The following HERC2 variants were observed in gnomAD, a reference collection of about 807,000 sequenced individuals.
HERC2 encodes HECT and RLD domain containing E3 ubiquitin protein ligase 2, also known as E3 ubiquitin-protein ligase HERC2.
A neutral mutation model predicts 537.7 loss-of-function variants in HERC2; 102 were observed. The observed-to-expected ratio is 0.19, with a 90% confidence interval of 0.16 to 0.22. The LOEUF (loss-of-function observed/expected upper bound fraction) is 0.22, where lower values mean the gene tolerates loss of function less well. HERC2 is among the 10% of genes least tolerant of loss of function. The probability of loss-of-function intolerance (pLI) is 1.00; values close to 1 mark genes in which losing one functional copy is unlikely to be tolerated. For missense variants in HERC2, 4,236 were observed against 6,198.2 expected, an observed-to-expected ratio of 0.68 and a Z score of 10.63; for synonymous variants, 2,224 against 2,466.2, an observed-to-expected ratio of 0.90 and a Z score of 2.91.
At chr15:28,318,335 G>C (rs1466265934) in intron 2 of HERC2, among the ~76,000 whole-genome samples, 2 of 152,168 alleles carry the variant, frequency 1.3e-5, no homozygotes, top group East Asian at 1.9e-4. Context: ...AAGCAGAAAA[G>C]TGTTGAACAG....
At chr15:28,253,638 C>G (rs1275648169) in intron 20 of HERC2, among the ~76,000 whole-genome samples, 1 of 152,204 alleles carries the variant, frequency 6.6e-6, no homozygotes, top group Non-Finnish European at 1.5e-5. Context: ...ATTTCACTAT[C>G]TTAATATGAA....
chr15:28,128,338 C>A (rs1297964246), intron 83 of HERC2, among the ~76,000 whole-genome samples: 1 of 152,212 alleles, frequency 6.6e-6, no homozygotes, highest in Non-Finnish European at 1.5e-5. Flanking sequence ...GGGAAACACA[C>A]TGAAAAGCTC....
chr15:28,275,977 C>G (rs1028403666), intron 5 of HERC2, among the ~76,000 whole-genome samples: 2 of 151,400 alleles, frequency 1.3e-5, no homozygotes, highest in Non-Finnish European at 2.9e-5. Flanking sequence ...ACAGGTGATA[C>G]AGAGTTCAAG....
intron 44 of HERC2, among the ~76,000 whole-genome samples, chr15:28,207,906 G>A (rs1898659835): frequency 6.6e-6 from 1 of 152,004 alleles, no homozygotes; most frequent in South Asian, 2.1e-4. Flanking sequence ...GTGTGTCTGT[G>A]TTCCCATAAA....
chr15:28,279,070 C>A (rs2075955319), intron 5 of HERC2, among the ~76,000 whole-genome samples: 1 of 152,220 alleles, frequency 6.6e-6, no homozygotes, highest in Admixed American at 6.5e-5. Flanking sequence ...CCGCTCACCG[C>A]AACCTCCACC....
At chr15:28,204,348 A>G (rs1898179988) in intron 45 of HERC2, among the ~76,000 whole-genome samples, 1 of 152,200 alleles carries the variant, frequency 6.6e-6, no homozygotes, top group South Asian at 2.1e-4. Flanking sequence ...TTGGCCAGGC[A>G]CGGTGGCTCA....
chr15:28,228,779 C>T (rs192567408), intron 34 of HERC2, among the ~76,000 whole-genome samples: 126 of 152,362 alleles, frequency 8.3e-4, no homozygotes, highest in African/African-American at 2.7e-3. Flanking sequence ...CATCTGTCTA[C>T]AGGACTTAGC....
At chr15:28,162,372 C>G (rs1019548795) in intron 69 of HERC2, among the ~76,000 whole-genome samples, 2 of 151,948 alleles carry the variant, frequency 1.3e-5, no homozygotes, top group Non-Finnish European at 2.9e-5. Flanking sequence ...AAAACAATGT[C>G]ACATAAGCAA....
At chr15:28,245,189 G>C (rs962525520) in intron 23 of HERC2, among the ~76,000 whole-genome samples, 1 of 152,078 alleles carries the variant, frequency 6.6e-6, no homozygotes, top group African/African-American at 2.4e-5. Context: ...GAGGCACCAG[G>C]ACTTTGTAAA....
intron 35 of HERC2, among the ~76,000 whole-genome samples, chr15:28,224,136 C>CACACACACACAG (rs1263726694): frequency 7.9e-6 from 1 of 127,160 alleles, no homozygotes; most frequent in Non-Finnish European, 1.5e-5. Context: ...AAAAATTATA[C>CACACACACACAG]ACACACACAC....
intron 4 of HERC2, among the ~76,000 whole-genome samples, chr15:28,287,047 G>A (rs778971861): frequency 2.1e-4 from 32 of 152,210 alleles, no homozygotes; most frequent in Admixed American, 1.7e-3. Flanking sequence ...ATGTGCGTGC[G>A]CGCTGTAAAA....
chr15:28,208,736 C>G (rs1464611818), intron 44 of HERC2, among the ~76,000 whole-genome samples: 2 of 152,224 alleles, frequency 1.3e-5, no homozygotes, highest in Admixed American at 1.3e-4. Context: ...CCACCACCAG[C>G]AAAGTGCTTG....
At position 28,265,950 on chromosome 15, in the gene HERC2, G is replaced by A. The variant is rs1296375880; in HGVS notation, c.1623C>T (p.Ile541=). The A allele has an allele frequency of 2.5e-6, 4 of 1,614,068 alleles. No individual in the cohort carries two copies. The highest frequency in any genetic ancestry group is 2.5e-6 in the Non-Finnish European group (3 of 1,180,042). Residue 541 remains isoleucine (I), a synonymous_variant, in exon 13 of 93, where the codon ATC becomes ATT. Coordinates refer to ENST00000261609, the MANE Select transcript of HERC2 (RefSeq NM_004667.6). This position sits in a 1 kb window ranked among gnomAD's most constrained non-coding sequence, Gnocchi z 4.0. The part of the protein sequence containing the change: ...DTVPLEEPKV[I]SAFSGKQAGK... ...CGGCCTGCTTTCCAGAGAAGGCGGA[G>A]ATCACCTTAGGCTCCTCCAAAGGCC...
At chr15:28,124,424 A>T (rs1889254870) in intron 84 of HERC2, among the ~76,000 whole-genome samples, 190 bp from the exon 85 acceptor site, 1 of 152,260 alleles carries the variant, frequency 6.6e-6, no homozygotes, top group South Asian at 2.1e-4. Flanking sequence ...TGTAAAAAAA[A>T]TTAGTCTATA....
In HERC2 at chr15:28,280,091, A is replaced by C; in HGVS notation, c.519T>G (p.Ser173=). The change falls in exon 5 of 93, where the codon TCT becomes TCG. Residue 173 remains serine (S), a synonymous_variant. Coordinates refer to ENST00000261609, the MANE Select transcript of HERC2 (RefSeq NM_004667.6). ...VKVKWKSSGI[S]LPPVDKKSSR... is the part of the protein sequence containing the mutation. ...ACCTTTTTTTGTCCACAGGAGGCAG[A>C]GAAATACCGCTGCTTTTCCACTTAA... The C allele has an allele frequency of 6.2e-7, 1 of 1,613,920 alleles. No individual in the cohort carries two copies. The highest frequency in any genetic ancestry group is 8.5e-7 in the Non-Finnish European group (1 of 1,179,874).
chr15:28,198,417 A>G lies in HERC2; in HGVS notation c.7972T>C (p.Trp2658Arg). 6.2e-7 allele frequency: 1 copy of G among 1,613,226 alleles called. No individual in the cohort carries two copies. Among genetic ancestry groups the G allele is most frequent in the South Asian group, 1.1e-5 (1 of 91,034 alleles). Residue 2658 changes from tryptophan to arginine, a missense_variant, in exon 50 of 93, where the codon TGG becomes CGG. Physicochemically the swap from Trp to Arg is moderately radical, Grantham distance 101 (BLOSUM62 -3). Around this residue, in one of 27 missense-constraint regions of HERC2, gnomAD observed 606 missense variants for 884.5 expected, o/e 0.69. Coordinates refer to ENST00000261609, the MANE Select transcript of HERC2 (RefSeq NM_004667.6). ...KASVTTPKYK[W>R]GSVTHQSVGV... ...ACACTCTGATGAGTCACAGATCCCC[A>G]TTTGTATTTTGGTGTGGTGACAGAG...
rs770600872 is a variant in HERC2, at chr15:28,141,714, G to C, written c.11816+17C>G. 6.2e-7 allele frequency: 1 copy of C among 1,611,470 alleles called. No individual in the cohort carries two copies. The highest frequency in any genetic ancestry group is 2.2e-5 in the East Asian group (1 of 44,854). On this transcript the variant is annotated intron_variant, in intron 77 of 92. Coordinates refer to ENST00000261609, the MANE Select transcript of HERC2 (RefSeq NM_004667.6). ...ACACTCACGATCGACATTACTGCTT[G>C]TTTCTAATATAATAACCTGTTCATC...
chr15:28,134,870 A>G lies in HERC2; in HGVS notation c.12230+608T>C, dbSNP rs372819431. 1.1e-4 allele frequency among the ~76,000 whole-genome samples: 17 copies of G among 151,760 alleles called. No individual in the cohort carries two copies. In the East Asian group the frequency reaches 1.9e-3, roughly 17 times the overall value. On this transcript the variant is annotated intron_variant, in intron 79 of 92. Transcript: ENST00000261609. ...CTATTTTTTGTAGAAATGGGGTTTC[A>G]TCATATTGCCCAGGCTAGTCTTGAA...
At chr15:28,272,709 A>G (rs1350163604) in intron 8 of HERC2, among the ~76,000 whole-genome samples, 185 bp downstream of exon 8, 1 of 152,238 alleles carries the variant, frequency 6.6e-6, no homozygotes, top group Non-Finnish European at 1.5e-5. Flanking sequence ...TTCCCAGGCT[A>G]GAACACTGAG....
Sources: gnomAD v4.1 joint callset for allele counts (sites outside exome capture counted in the v4.1 genomes callset) on GRCh38, gnomAD v4.1.1 for gene constraint, gnomAD v4.1.1 regional missense constraint, Gnocchi (gnomAD v3.1) non-coding constraint, MANE v1.5 for transcripts, NCBI Gene and HGNC (gene_info 2026-07-23, HGNC 2026-07-21) for gene names.